The following DEFB125 variants were observed in gnomAD, a reference collection of about 807,000 sequenced individuals.
DEFB125 encodes the protein defensin beta 125, also known as beta-defensin 125.
DEFB125 carries 11 observed loss-of-function variants against 11.8 expected under a neutral mutation model. The ratio of observed to expected loss-of-function variants is 0.94; its 90% CI spans 0.59 to 1.55. The LOEUF is 1.55. Among genes scored for constraint, DEFB125 ranks in the 40% most tolerant of loss-of-function variants. The pLI is 0.00. For missense variants in DEFB125, 198 were observed against 191.2 expected (o/e 1.04, Z -0.21); for synonymous variants, 79 against 66.7 (o/e 1.18, Z -0.90).
At chr20:93,747 TCAA>T (rs1467900051) in intron 1 of DEFB125, among the ~76,000 whole-genome samples, 1 of 152,212 alleles carries the variant, frequency 6.6e-6, no homozygotes, top group African/African-American at 2.4e-5. Flanking sequence ...CTCCAGTCTT[TCAA>T]CAACTGCTTG....
chr20:87,896 T>C (rs1017782921), intron 1 of DEFB125, 129 bp downstream of exon 1: 30 of 984,458 alleles, frequency 3.0e-5, no homozygotes, highest in Non-Finnish European at 4.1e-5. Flanking sequence ...AGCAGAATGC[T>C]CTTATTTTGG....
chr20:90,644 A>G (rs949544391), intron 1 of DEFB125, among the ~76,000 whole-genome samples: 6 of 152,200 alleles, frequency 3.9e-5, no homozygotes, highest in African/African-American at 1.4e-4. Context: ...CAGAGCGGTA[A>G]CAAGAGTCCA....
intron 1 of DEFB125, among the ~76,000 whole-genome samples, chr20:88,326 G>A (rs1487414246): frequency 9.2e-5 from 14 of 152,076 alleles, no homozygotes; most frequent in Admixed American, 6.6e-4. Flanking sequence ...GTGACCAATG[G>A]GGAGCTTCTA....
intron 1 of DEFB125, among the ~76,000 whole-genome samples, chr20:88,144 C>G (rs1280414322): frequency 6.6e-6 from 1 of 152,134 alleles, no homozygotes; most frequent in Admixed American, 6.6e-5. Flanking sequence ...TTGAATTCTT[C>G]TTTGCCCGGA....
chr20:88,958 A>G (rs1279698558), intron 1 of DEFB125, among the ~76,000 whole-genome samples: 1 of 152,038 alleles, frequency 6.6e-6, no homozygotes, highest in African/African-American at 2.4e-5. Context: ...CAAGAGTGTC[A>G]GCTTCCCACA....
chr20:89,849 C>T (rs140218451), intron 1 of DEFB125, among the ~76,000 whole-genome samples: 196 of 151,328 alleles, frequency 1.3e-3, no homozygotes, highest in African/African-American at 4.6e-3. Context: ...GTCTCTCTTT[C>T]TCTTTTATTT....
chr20:88,865 GAC>G (rs200122767), intron 1 of DEFB125, among the ~76,000 whole-genome samples: 94 of 148,314 alleles, frequency 6.3e-4, no homozygotes, highest in South Asian at 1.5e-3. Context: ...TGGACACGTG[GAC>G]ACACACACAC....
At chr20:90,601 T>A (rs752695420) in intron 1 of DEFB125, among the ~76,000 whole-genome samples, 1 of 152,198 alleles carries the variant, frequency 6.6e-6, no homozygotes, top group Non-Finnish European at 1.5e-5. Flanking sequence ...CATGTACTTT[T>A]GCTCAAAACT....
intron 1 of DEFB125, among the ~76,000 whole-genome samples, chr20:88,664 T>C (rs1025465478): frequency 5.9e-5 from 9 of 152,284 alleles, no homozygotes; most frequent in African/African-American, 2.2e-4. Flanking sequence ...GTACTAGCAA[T>C]ATATTAGAGA....
chr20:94,532 T>C (rs533067436), intron 1 of DEFB125, among the ~76,000 whole-genome samples: 120 of 152,234 alleles, frequency 7.9e-4, no homozygotes, highest in Non-Finnish European at 1.5e-3. Flanking sequence ...ATAGGGTTCA[T>C]GCTCCTATGA....
At chr20:90,972 A>G (rs1418223139) in intron 1 of DEFB125, among the ~76,000 whole-genome samples, 3 of 152,110 alleles carry the variant, frequency 2.0e-5, no homozygotes, top group Non-Finnish European at 4.4e-5. Flanking sequence ...TCTGCAAACC[A>G]TTTGTCACCT....
At position 94,089 on chromosome 20, in the gene DEFB125, T is replaced by G. The variant is rs576384250; in HGVS notation, c.59-1916T>G. Reference sequence around the variant, plus strand: ...TTAAACATTTTTTTAAGTTTTTTGGTTTTTTTTTAATAAAAACTAAATGCT... The same window carrying G: ...TTAAACATTTTTTTAAGTTTTTTGGGTTTTTTTTAATAAAAACTAAATGCT... On this transcript the variant is annotated intron_variant, in intron 1 of 1. Coordinates refer to ENST00000382410, the MANE Select transcript of DEFB125 (RefSeq NM_153325.4). 3.7e-3 allele frequency among the ~76,000 whole-genome samples: 110 copies of G among 29,750 alleles called. 1 individual carries two copies. The highest frequency in any genetic ancestry group is 0.024 in the East Asian group (54 of 2,292). The allele number at this position is 29,750 out of a possible 152,430, so 19.5% of individuals were successfully genotyped here.
At chr20:93,612 C>T (rs984885086) in intron 1 of DEFB125, among the ~76,000 whole-genome samples, 2 of 152,174 alleles carry the variant, frequency 1.3e-5, no homozygotes, top group African/African-American at 4.8e-5. Context: ...AAAATGACCA[C>T]TCTGTCCTTT....
intron 1 of DEFB125, among the ~76,000 whole-genome samples, chr20:93,590 G>A (rs2054504350): frequency 6.6e-6 from 1 of 152,012 alleles, no homozygotes; most frequent in African/African-American, 2.4e-5. Context: ...CCTCTCAGCA[G>A]TATTTGACTA....
At chr20:94,745 C>T (rs968959247) in intron 1 of DEFB125, among the ~76,000 whole-genome samples, 1 of 152,122 alleles carries the variant, frequency 6.6e-6, no homozygotes, top group Non-Finnish European at 1.5e-5. Context: ...ATCTGTTAAC[C>T]AACCTCTCTC....
Position 89,740 on chromosome 20 carries a change from A to G in DEFB125, c.58+1973A>G, listed in dbSNP as rs1013645187. Among the ~76,000 whole-genome samples, 21 of 152,042 alleles carry G rather than the reference A, an allele frequency of 1.4e-4. No homozygotes were observed. In the South Asian group the frequency reaches 2.7e-3, roughly 19 times the overall value. On this transcript the variant is annotated intron_variant, in intron 1 of 1. Transcript: ENST00000382410. ...CCAAGTCCTAAAAATGAAATATTAT[A>G]TATAAATATTTAATTTTTATTTATG...
At chr20:88,023 A>G (rs1049448426) in intron 1 of DEFB125, among the ~76,000 whole-genome samples, 2 of 152,188 alleles carry the variant, frequency 1.3e-5, no homozygotes, top group Non-Finnish European at 2.9e-5. Context: ...GAGCCACCCT[A>G]TCTGTCTCTC....
intron 1 of DEFB125, among the ~76,000 whole-genome samples, chr20:91,413 A>G (rs1165970939): frequency 6.6e-6 from 1 of 151,928 alleles, no homozygotes; most frequent in African/African-American, 2.4e-5. Context: ...GTGTTTCCCT[A>G]ATGTTTTTTT....
chr20:92,395 C>T (rs866371590), intron 1 of DEFB125, among the ~76,000 whole-genome samples: 20 of 137,594 alleles, frequency 1.5e-4, no homozygotes, highest in African/African-American at 5.0e-4. Flanking sequence ...AACCTTCCTT[C>T]TTTTTTTTTT....
Sources: allele counts gnomAD v4.1 joint callset (sites outside exome capture counted in the v4.1 genomes callset), GRCh38; gene constraint gnomAD v4.1.1; transcripts MANE v1.5; gene names NCBI Gene and HGNC (gene_info 2026-07-23, HGNC 2026-07-21).